Variants in CNTN4 observed in about 807,000 individuals in gnomAD.
The protein encoded by CNTN4 is contactin 4.
CNTN4 carries 77 observed loss-of-function variants against 122.5 expected under a neutral mutation model. The ratio of observed to expected loss-of-function variants is 0.63; its 90% CI spans 0.52 to 0.76. The LOEUF (loss-of-function observed/expected upper bound fraction) is 0.76, where lower values mean the gene tolerates loss of function less well. Ranked by LOEUF, CNTN4 falls within the 30% of genes least tolerant of loss-of-function variation. The pLI is 0.00. For synonymous variants in CNTN4, 512 were observed against 447.0 expected (o/e 1.15, Z -1.83); for missense variants, 1,256 against 1,259.1 (o/e 1.00, Z 0.04).
At chr3:2,270,878 A>G (rs2041266488) in intron 2 of CNTN4, among the ~76,000 whole-genome samples, 1 of 152,096 alleles carries the variant, frequency 6.6e-6, no homozygotes, top group Non-Finnish European at 1.5e-5. Context: ...ATCAATAATC[A>G]TTACCTATGT....
chr3:2,844,234 C>G (rs767476202), intron 7 of CNTN4, among the ~76,000 whole-genome samples: 8 of 152,224 alleles, frequency 5.3e-5, no homozygotes, highest in Non-Finnish European at 1.0e-4. Flanking sequence ...TTCTCCATCG[C>G]TTTCACTGCT....
At chr3:2,420,002 A>G (rs987626684) in intron 3 of CNTN4, among the ~76,000 whole-genome samples, 1 of 152,182 alleles carries the variant, frequency 6.6e-6, no homozygotes, top group African/African-American at 2.4e-5. Flanking sequence ...GTCATTGGCA[A>G]CATGACATCT....
At chr3:2,669,356 T>C (rs1423987052) in intron 4 of CNTN4, among the ~76,000 whole-genome samples, 1 of 152,262 alleles carries the variant, frequency 6.6e-6, no homozygotes, top group Non-Finnish European at 1.5e-5. Flanking sequence ...CCATTTCTTC[T>C]AGATTTTCTA....
intron 2 of CNTN4, among the ~76,000 whole-genome samples, chr3:2,312,096 T>C (rs2042936170): frequency 6.6e-6 from 1 of 152,012 alleles, no homozygotes; most frequent in Non-Finnish European, 1.5e-5. Flanking sequence ...GCAGGATCAC[T>C]GAGCCCAGGA....
chr3:2,683,518 G>A (rs994740632), intron 4 of CNTN4, among the ~76,000 whole-genome samples: 2 of 152,104 alleles, frequency 1.3e-5, no homozygotes, highest in African/African-American at 4.8e-5. Context: ...GTTAATGGAT[G>A]TAAACATTTA....
intron 2 of CNTN4, among the ~76,000 whole-genome samples, chr3:2,143,832 C>T (rs2035120473): frequency 6.6e-6 from 1 of 152,086 alleles, no homozygotes; most frequent in Admixed American, 6.6e-5. Context: ...TTGCCATGAG[C>T]CATTAAAGGT....
intron 2 of CNTN4, among the ~76,000 whole-genome samples, chr3:2,310,860 G>A (rs1366922723): frequency 2.6e-5 from 4 of 152,096 alleles, no homozygotes; most frequent in Non-Finnish European, 5.9e-5. Flanking sequence ...CTTACTGCCA[G>A]TGCTTGAGTG....
intron 4 of CNTN4, among the ~76,000 whole-genome samples, chr3:2,602,584 A>C (rs191110528): frequency 1.6e-4 from 24 of 152,320 alleles, no homozygotes; most frequent in African/African-American, 5.1e-4. Context: ...TCAACAAAAT[A>C]AAAGAGGACA....
chr3:2,259,027 A>T (rs1417672664), intron 2 of CNTN4, among the ~76,000 whole-genome samples: 1 of 152,224 alleles, frequency 6.6e-6, no homozygotes, highest in African/African-American at 2.4e-5. Flanking sequence ...AGACGAAGAC[A>T]TACAGAGGTT....
At position 2,735,079 on chromosome 3, in the gene CNTN4, G is replaced by T. The variant is rs374825944; in HGVS notation, c.56-1136G>T. 4.6e-5 allele frequency among the ~76,000 whole-genome samples: 7 copies of T among 152,276 alleles called. No individual in the cohort carries two copies. In the East Asian group the frequency reaches 1.2e-3, roughly 25 times the overall value. ...CCACAAGAGATACAAAAATAGGTAA[G>T]ATACAGTCATGCTTTCAAAGAGCTT... On this transcript the variant is annotated intron_variant, in intron 4 of 24. Transcript: ENST00000418658.
chr3:2,958,533 G>A (rs568341629), intron 13 of CNTN4, among the ~76,000 whole-genome samples: 15 of 152,136 alleles, frequency 9.9e-5, no homozygotes, highest in East Asian at 9.6e-4. Flanking sequence ...GAATTATCCC[G>A]GTGATTGCTT....
chr3:2,821,650 G>A lies in CNTN4; in HGVS notation c.454+2069G>A, dbSNP rs140646478. Among the ~76,000 whole-genome samples, 13 of 152,170 alleles carry A rather than the reference G, an allele frequency of 8.5e-5. 1 individual carries two copies. Among genetic ancestry groups the A allele is most frequent in the South Asian group, 6.2e-4 (3 of 4,818 alleles). On this transcript the variant is annotated intron_variant, in intron 7 of 24. Coordinates refer to ENST00000418658, the MANE Select transcript of CNTN4 (RefSeq NM_175607.3). The stretch of plus-strand genomic sequence containing the variant: ...AGATGTGTAGGCAACTTGCAGTGTC[G>A]GCTAAAAGGAACTACGATGACTAAA...
intron 3 of CNTN4, among the ~76,000 whole-genome samples, chr3:2,559,378 A>G (rs575927461): frequency 8.4e-4 from 128 of 152,270 alleles, no homozygotes; most frequent in Non-Finnish European, 1.6e-3. Context: ...GAAATTGGCC[A>G]CTTACAGGTC....
chr3:2,737,174 G>A (rs138992513), intron 5 of CNTN4, among the ~76,000 whole-genome samples: 4,694 of 151,072 alleles, frequency 0.031, 87 homozygotes, highest in Non-Finnish European at 0.044. Context: ...TCCCCCTCCC[G>A]GGTTAAAGGG....
intron 6 of CNTN4, among the ~76,000 whole-genome samples, chr3:2,782,247 G>A (rs893223726): frequency 6.6e-6 from 1 of 151,498 alleles, no homozygotes; most frequent in African/African-American, 2.4e-5. Flanking sequence ...TTCAGGTTAC[G>A]TTTTAAGAGC....
At chr3:2,903,591 C>A (rs1198330256) in intron 12 of CNTN4, among the ~76,000 whole-genome samples, 1 of 152,134 alleles carries the variant, frequency 6.6e-6, no homozygotes, top group Non-Finnish European at 1.5e-5. Context: ...CTTTTCCTTC[C>A]CCTCTTCATT....
intron 2 of CNTN4, among the ~76,000 whole-genome samples, chr3:2,226,755 A>C (rs1315647292): frequency 2.6e-5 from 4 of 152,184 alleles, no homozygotes; most frequent in Non-Finnish European, 5.9e-5. Context: ...GTGACCTATG[A>C]AAATGCAAGT....
chr3:2,705,815 TAA>T (rs2086674381), intron 4 of CNTN4, among the ~76,000 whole-genome samples: 1 of 106,930 alleles, frequency 9.4e-6, no homozygotes, highest in South Asian at 2.6e-4. Flanking sequence ...ATAATATATA[TAA>T]TATATAATAA....
At chr3:2,891,136 AT>A (rs1247398239) in intron 10 of CNTN4, among the ~76,000 whole-genome samples, 1 of 152,164 alleles carries the variant, frequency 6.6e-6, no homozygotes, top group Non-Finnish European at 1.5e-5. Context: ...TAACTAGGAA[AT>A]TTTATTTTTT....
Sources: allele counts gnomAD v4.1 joint callset (sites outside exome capture counted in the v4.1 genomes callset), GRCh38; gene constraint gnomAD v4.1.1; transcripts MANE v1.5; gene names NCBI Gene and HGNC (gene_info 2026-07-23, HGNC 2026-07-21).